Variants in UPF3B observed in about 807,000 individuals in gnomAD.
UPF3B encodes UPF3B regulator of nonsense mediated mRNA decay, also known as regulator of nonsense transcripts 3B.
Under a neutral mutation model 40.3 loss-of-function variants are expected in UPF3B, and 7 were observed. The ratio of observed to expected loss-of-function variants is 0.17; its 90% CI spans 0.10 to 0.33. The LOEUF is 0.33. Ranked by LOEUF, UPF3B falls within the 10% of genes least tolerant of loss-of-function variation. UPF3B has a pLI of 1.00. For missense variants in UPF3B, 229 were observed against 358.9 expected (o/e 0.64, Z 2.93); for synonymous variants, 117 against 117.3 (o/e 1.00, Z 0.01).
intron 3 of UPF3B, chrX:119,823,108 G>C: frequency 1.9e-6 from 1 of 538,130 alleles, no homozygotes; most frequent in Non-Finnish European, 2.3e-6. Context: ...GAGATTTTTA[G>C]GTTATACCTT....
chrX:119,842,580 T>TCTCTCACACACACA (rs1556379941), intron 5 of UPF3B, among the ~76,000 whole-genome samples: 6 of 71,457 alleles, frequency 8.4e-5, no homozygotes, highest in African/African-American at 3.7e-4. Context: ...ACTCCATCTC[T>TCTCTCACACACACA]CACACACACA....
intron 5 of UPF3B, among the ~76,000 whole-genome samples, chrX:119,810,669 A>G (rs2055821433): frequency 8.9e-6 from 1 of 111,836 alleles, no homozygotes; most frequent in African/African-American, 3.3e-5. Flanking sequence ...CTATCACAGC[A>G]AAGGTTCTGC....
intron 5 of UPF3B, among the ~76,000 whole-genome samples, chrX:119,811,810 G>A (rs2055829670): frequency 9.0e-6 from 1 of 111,303 alleles, no homozygotes; most frequent in Admixed American, 9.6e-5. Flanking sequence ...AAGTTAGCTG[G>A]GCATGGTGGC....
At position 119,835,059 on chromosome X, in the gene UPF3B, A is replaced by G. The variant is rs752042169; in HGVS notation, c.1303-32T>C. ...TACAATAAAATATGTTACCATTACAACAATGCTACTAAGCTTTTATATGGG... is the reference window on the plus strand; with the variant it reads ...TACAATAAAATATGTTACCATTACAGCAATGCTACTAAGCTTTTATATGGG... On this transcript the variant is annotated intron_variant, in intron 10 of 10. Coordinates refer to ENST00000276201, the MANE Select transcript of UPF3B (RefSeq NM_080632.3). The G allele has an allele frequency of 5.0e-5, 60 of 1,197,667 alleles. 2 individuals are homozygous for G. The South Asian group carries it at 1.1e-3, about 21-fold the overall frequency.
Position 119,845,304 on chromosome X carries a change from GA to G in UPF3B, c.371-9del, listed in dbSNP as rs767518602. 6.8e-6 allele frequency: 8 copies of G among 1,169,589 alleles called. No individual in the cohort carries two copies. The highest frequency in any genetic ancestry group is 8.1e-6 in the Non-Finnish European group (7 of 861,071). ...TAGCGGGATATTCCTGACCTGTTTAGAAAAAAAATACCACACTTGCTATAAC... is the reference window on the plus strand; with the variant it reads ...TAGCGGGATATTCCTGACCTGTTTAGAAAAAAATACCACACTTGCTATAAC... On this transcript the variant is annotated splice_polypyrimidine_tract_variant and intron_variant, in intron 3 of 10. Coordinates refer to ENST00000276201, the MANE Select transcript of UPF3B (RefSeq NM_080632.3).
At chrX:119,806,826 C>G (rs769371208) in intron 6 of UPF3B, among the ~76,000 whole-genome samples, 23 of 109,178 alleles carry the variant, frequency 2.1e-4, no homozygotes, top group African/African-American at 7.7e-4. Flanking sequence ...GTCAGGAGTT[C>G]AAGACCAGCG....
chrX:119,808,291 A>G (rs1322207162), intron 5 of UPF3B, among the ~76,000 whole-genome samples: 1 of 110,594 alleles, frequency 9.0e-6, no homozygotes, highest in South Asian at 3.9e-4. Flanking sequence ...GAAAGGTGGT[A>G]TTGGGGGAAA....
intron 4 of UPF3B, among the ~76,000 whole-genome samples, chrX:119,821,158 ACTCACTCTCTTG>A (rs2055914558): frequency 9.0e-6 from 1 of 110,666 alleles, no homozygotes; most frequent in Admixed American, 9.7e-5. Flanking sequence ...TCCTTCCCAC[ACTCACTCTCTTG>A]CTCACTCTGT....
At chrX:119,847,454 A>AAAAAC (rs957372734) in intron 3 of UPF3B, among the ~76,000 whole-genome samples, 7 of 110,351 alleles carry the variant, frequency 6.3e-5, no homozygotes, top group Non-Finnish European at 9.5e-5. Context: ...TCCATCTCAA[A>AAAAAC]AAAACAAAAC....
intron 3 of UPF3B, among the ~76,000 whole-genome samples, chrX:119,825,131 T>C (rs2055967735): frequency 9.0e-6 from 1 of 111,432 alleles, no homozygotes; most frequent in African/African-American, 3.3e-5. Context: ...AATACCCGAG[T>C]GTGGGTAATT....
intron 4 of UPF3B, among the ~76,000 whole-genome samples, chrX:119,821,661 G>C (rs2055920431): frequency 9.0e-6 from 1 of 110,738 alleles, no homozygotes; most frequent in East Asian, 2.8e-4. Context: ...AACCAGGCGC[G>C]GTGGCAGGTG....
At chrX:119,806,397 T>A (rs752844115) in intron 6 of UPF3B, among the ~76,000 whole-genome samples, 200 of 97,122 alleles carry the variant, frequency 2.1e-3, no homozygotes, top group African/African-American at 7.0e-3. Context: ...GACGAGTTAG[T>A]GGGTGCAGCA....
chrX:119,808,642 G>A (rs1024026859), intron 5 of UPF3B, among the ~76,000 whole-genome samples: 1 of 103,658 alleles, frequency 9.6e-6, no homozygotes, highest in Admixed American at 1.1e-4. Context: ...GGGTGGGGAC[G>A]TGTGGTTTAT....
downstream of UPF3B, chrX:119,831,815 G>A (rs2056040314): frequency 2.1e-6 from 1 of 485,363 alleles, no homozygotes; most frequent in Non-Finnish European, 2.5e-6. Flanking sequence ...CTTTTACATG[G>A]GATTTTCTTT....
intron 4 of UPF3B, among the ~76,000 whole-genome samples, chrX:119,815,545 T>A (rs759504396): frequency 8.3e-4 from 92 of 111,253 alleles, no homozygotes; most frequent in Non-Finnish European, 1.4e-3. Context: ...AGAGACATGG[T>A]CTCATTTTGT....
At chrX:119,836,649 T>C (rs2056095831) in intron 10 of UPF3B, among the ~76,000 whole-genome samples, 1 of 106,811 alleles carries the variant, frequency 9.4e-6, no homozygotes, top group African/African-American at 3.5e-5. Context: ...ATCATACTAT[T>C]CGATTTTTTT....
chrX:119,823,928 G>C (rs1254396468), intron 3 of UPF3B, among the ~76,000 whole-genome samples: 1 of 111,383 alleles, frequency 9.0e-6, no homozygotes, highest in African/African-American at 3.3e-5. Context: ...AAAGTGCTAG[G>C]ATTACAAGCA....
intron 5 of UPF3B, among the ~76,000 whole-genome samples, chrX:119,811,694 G>A (rs2055828923): frequency 9.1e-6 from 1 of 109,429 alleles, no homozygotes; most frequent in South Asian, 3.9e-4. Flanking sequence ...GCTCATACCT[G>A]TAATCCCAGC....
intron 4 of UPF3B, among the ~76,000 whole-genome samples, chrX:119,815,674 C>T (rs2055859122): frequency 9.0e-6 from 1 of 111,611 alleles, no homozygotes. Context: ...CGCTCTACCA[C>T]ACTGGGCTAA....
Sources: allele counts gnomAD v4.1 joint callset (sites outside exome capture counted in the v4.1 genomes callset), GRCh38; gene constraint gnomAD v4.1.1; transcripts MANE v1.5; gene names NCBI Gene and HGNC (gene_info 2026-07-23, HGNC 2026-07-21).